Variants in GNPAT observed in about 807,000 individuals in gnomAD.
GNPAT encodes glyceronephosphate O-acyltransferase.
GNPAT carries 30 observed loss-of-function variants against 78.4 expected under a neutral mutation model. The ratio of observed to expected loss-of-function variants is 0.38; its 90% CI spans 0.29 to 0.52. The LOEUF (loss-of-function observed/expected upper bound fraction) is 0.52. Among genes scored for constraint, GNPAT ranks in the 20% least tolerant of loss-of-function variants. The pLI is 0.84. For missense variants in GNPAT, 714 were observed against 812.2 expected, an observed-to-expected ratio of 0.88 and a Z score of 1.47; for synonymous variants, 271 against 281.1, an observed-to-expected ratio of 0.96 and a Z score of 0.36.
chr1:231,247,953 G>A (rs1331335518), intron 1 of GNPAT, among the ~76,000 whole-genome samples: 1 of 152,208 alleles, frequency 6.6e-6, no homozygotes, highest in Non-Finnish European at 1.5e-5. Context: ...AAGGATTGTA[G>A]ATGATCGTAT....
chr1:231,267,169 C>G (rs909354933), intron 8 of GNPAT, among the ~76,000 whole-genome samples: 8 of 152,336 alleles, frequency 5.3e-5, no homozygotes, highest in Non-Finnish European at 8.8e-5. Context: ...ATTTTTAGGT[C>G]ATGTGTGTAT....
rs1193053453 is a variant in GNPAT at position 231,260,627 on chromosome 1, A to C, written c.382A>C (p.Lys128Gln). The C allele has an allele frequency of 6.2e-7, 1 of 1,613,616 alleles. No individual in the cohort carries two copies. The highest frequency in any genetic ancestry group is 8.5e-7 in the Non-Finnish European group (1 of 1,179,510). Residue 128 changes from lysine (K) to glutamine (Q), a missense_variant, in exon 3 of 16, where the codon AAA (lysine) becomes CAA (glutamine). Physicochemically the swap from Lys to Gln is moderately conservative, Grantham distance 53. Coordinates refer to ENST00000366647, the MANE Select transcript of GNPAT (RefSeq NM_014236.4). ...AIRFCAFTLS[K>Q]VFKQIFSKVC... ...TCGGTTTTGTGCCTTCACCCTGAGC[A>C]AAGTATTTAAACAAATTTTCTCGAA...
At chr1:231,275,545 G>T in intron 14 of GNPAT, 47 bp downstream of exon 14, 1 of 1,060,626 alleles carries the variant, frequency 9.4e-7, no homozygotes, top group South Asian at 1.3e-5. Context: ...ACAAGGAAAT[G>T]AATGACATTT....
chr1:231,275,522 G>T (rs916262606), intron 14 of GNPAT, 24 bp downstream of exon 14: 41 of 1,255,318 alleles, frequency 3.3e-5, no homozygotes, highest in Non-Finnish European at 4.3e-5. Context: ...AAGATCCCAT[G>T]AGTGCTCAAG....
In GNPAT at chr1:231,275,452, G is replaced by A. The variant is rs780233769; in HGVS notation, c.1891G>A (p.Ala631Thr). The change falls in exon 14 of 16, where the codon GCC (alanine) becomes ACC (threonine). Residue 631 changes from alanine (A) to threonine (T), a missense_variant. By Grantham distance (58) the Ala-to-Thr change is moderately conservative. Coordinates refer to ENST00000366647, the MANE Select transcript of GNPAT (RefSeq NM_014236.4). ...ATTATCTTCTGATGTGCAGAAAAAC[G>A]CCTTAGCAGCCTGTGTGAGGCTCGG... ...DVLSSDVQKNALAACVRLGVV... is the reference protein window; with the variant it reads ...DVLSSDVQKNTLAACVRLGVV... 9 of 1,612,214 alleles carry A rather than the reference G, an allele frequency of 5.6e-6. No homozygotes were observed. Among genetic ancestry groups the A allele is most frequent in the South Asian group, 3.3e-5 (3 of 91,020 alleles).
intron 4 of GNPAT, 37 bp downstream of exon 4, chr1:231,262,889 T>C (rs1685264334): frequency 1.3e-6 from 2 of 1,566,356 alleles, no homozygotes; most frequent in East Asian, 4.5e-5. Context: ...ACTGTAAAAA[T>C]TAAAAAGTTC....
intron 2 of GNPAT, among the ~76,000 whole-genome samples, chr1:231,260,206 A>G (rs768682111): frequency 6.6e-6 from 1 of 152,224 alleles, no homozygotes; most frequent in African/African-American, 2.4e-5. Flanking sequence ...ATGGGCAGCA[A>G]CTTATTTTAG....
chr1:231,264,777 T>G (rs1558333635), intron 4 of GNPAT, among the ~76,000 whole-genome samples: 1 of 152,242 alleles, frequency 6.6e-6, no homozygotes, highest in Non-Finnish European at 1.5e-5. Flanking sequence ...GTCCAGAGCA[T>G]GAAGGGCACA....
At chr1:231,277,200 A>G (rs1462154087) in intron 15 of GNPAT, among the ~76,000 whole-genome samples, 4 of 152,232 alleles carry the variant, frequency 2.6e-5, no homozygotes, top group African/African-American at 7.2e-5. Flanking sequence ...GACGGAATCA[A>G]TTACTTAATC....
At chr1:231,265,047 C>A (rs1466693932) in intron 4 of GNPAT, among the ~76,000 whole-genome samples, 1 of 152,082 alleles carries the variant, frequency 6.6e-6, no homozygotes, top group Non-Finnish European at 1.5e-5. Context: ...TTTATGAAAT[C>A]TTTCTTAATA....
chr1:231,241,456 G>A lies in GNPAT; in HGVS notation c.78G>A (p.Ser26=). Residue 26 remains serine (S), a splice_region_variant and synonymous_variant, in exon 1 of 16, where the codon TCG becomes TCA. Coordinates refer to ENST00000366647, the MANE Select transcript of GNPAT (RefSeq NM_014236.4). ...TSPSAVVLLY[S]KELKKWDEFE... is the part of the protein sequence containing the mutation. ...CCAGCGCTGTCGTGCTCCTCTACTC[G>A]GTAGGCGCCCAGGGAAAAGAGGCCC... 2 of 1,608,766 alleles carry A rather than the reference G, an allele frequency of 1.2e-6. No homozygotes were observed. The highest frequency in any genetic ancestry group is 1.3e-5 in the African/African-American group (1 of 74,922).
At chr1:231,276,240 T>C (rs1248724938) in intron 15 of GNPAT, 44 bp downstream of exon 15, 1 of 930,060 alleles carries the variant, frequency 1.1e-6, no homozygotes, top group African/African-American at 1.6e-5. Flanking sequence ...ATTTTGTTGA[T>C]GAATTAAAAT....
rs529367950 is a variant in GNPAT, at chr1:231,241,291, C to G, written c.-88C>G. 1.3e-5 allele frequency: 18 copies of G among 1,394,130 alleles called. 1 individual carries two copies. Among genetic ancestry groups the G allele is most frequent in the Middle Eastern group, 1.8e-4 (1 of 5,644 alleles). The allele number at this position is 1,394,130 out of a possible 1,614,324, so 86.4% of individuals were successfully genotyped here. On this transcript the variant is annotated 5_prime_UTR_variant, in exon 1 of 16. Coordinates refer to ENST00000366647, the MANE Select transcript of GNPAT (RefSeq NM_014236.4). ...GCCGCCGCCCTAGGCGAAGTAGGGC[C>G]GTCCTGAGCGAAAGAACCGCCCCCA...
At chr1:231,254,336 T>C (rs907188408) in intron 2 of GNPAT, among the ~76,000 whole-genome samples, 1 of 152,202 alleles carries the variant, frequency 6.6e-6, no homozygotes, top group Non-Finnish European at 1.5e-5. Context: ...GAACTGTTTT[T>C]CATTCTCCAA....
chr1:231,244,366 C>T (rs1285173483), intron 1 of GNPAT, among the ~76,000 whole-genome samples: 1 of 152,004 alleles, frequency 6.6e-6, no homozygotes, highest in Non-Finnish European at 1.5e-5. Flanking sequence ...TAACAGTGAG[C>T]CCAGGAAGAA....
rs1330666269 is a variant in GNPAT, at chr1:231,265,351, G to T, written c.627G>T (p.Met209Ile). ...TACGAATGTCGGGTGCCTTTTTCATGCGGCGTACCTTTGGTGGCAATAAAC... is the reference window on the plus strand; with the variant it reads ...TACGAATGTCGGGTGCCTTTTTCATTCGGCGTACCTTTGGTGGCAATAAAC... The part of the protein sequence containing the change: ...ELLRMSGAFF[M>I]RRTFGGNKLY... The change falls in exon 5 of 16, where the codon ATG (methionine) becomes ATT (isoleucine). Residue 209 changes from methionine to isoleucine, a missense_variant. Physicochemically the swap from Met to Ile is conservative, Grantham distance 10. Coordinates refer to ENST00000366647, the MANE Select transcript of GNPAT (RefSeq NM_014236.4). 1.2e-6 allele frequency: 2 copies of T among 1,610,692 alleles called. No homozygotes were observed. Among genetic ancestry groups the T allele is most frequent in the Non-Finnish European group, 1.7e-6 (2 of 1,177,004 alleles).
intron 1 of GNPAT, among the ~76,000 whole-genome samples, chr1:231,247,615 A>C (rs746266193): frequency 2.6e-5 from 4 of 152,212 alleles, no homozygotes; most frequent in Non-Finnish European, 5.9e-5. Flanking sequence ...GCCCCTCTCA[A>C]TAACTGGTAC....
At chr1:231,262,987 C>A in intron 4 of GNPAT, 135 bp downstream of exon 4, 1 of 717,612 alleles carries the variant, frequency 1.4e-6, no homozygotes, top group Non-Finnish European at 2.5e-6. Context: ...CACTGAATAA[C>A]TTGAGTTATG....
chr1:231,271,779 C>G (rs1036940425), intron 10 of GNPAT, among the ~76,000 whole-genome samples: 9 of 152,120 alleles, frequency 5.9e-5, no homozygotes, highest in Admixed American at 3.9e-4. Context: ...TGAGTAGAAG[C>G]CTGGTTGTAG....
Sources: allele counts gnomAD v4.1 joint callset (sites outside exome capture counted in the v4.1 genomes callset), GRCh38; gene constraint gnomAD v4.1.1; transcripts MANE v1.5; gene names NCBI Gene and HGNC (gene_info 2026-07-23, HGNC 2026-07-21).